SPAG16: variants seen among roughly 807,000 people sequenced by gnomAD.
SPAG16 encodes the protein sperm-associated antigen 16 protein.
In SPAG16, 86 loss-of-function variants were observed where a neutral mutation model predicts 80.4. That is an observed-to-expected ratio of 1.07 (90% CI 0.90 to 1.28). SPAG16 has a LOEUF of 1.28. SPAG16 is among the 50% of genes most tolerant of loss of function. The pLI is 0.00. For missense variants in SPAG16, 870 were observed against 765.3 expected, an observed-to-expected ratio of 1.14 and a Z score of -1.61; for synonymous variants, 294 against 265.9, an observed-to-expected ratio of 1.11 and a Z score of -1.03.
At chr2:213,432,487 T>C (rs889408539) in intron 9 of SPAG16, among the ~76,000 whole-genome samples, 18 of 151,954 alleles carry the variant, frequency 1.2e-4, no homozygotes, top group Admixed American at 8.5e-4. Context: ...TTAGAAAATC[T>C]AGAGTAAATG....
intron 13 of SPAG16, among the ~76,000 whole-genome samples, chr2:214,088,560 G>T (rs2051943116): frequency 6.6e-6 from 1 of 152,008 alleles, no homozygotes; most frequent in South Asian, 2.1e-4. Flanking sequence ...AATATGAAAG[G>T]CCAGGGCACA....
intron 10 of SPAG16, among the ~76,000 whole-genome samples, chr2:213,805,062 G>A (rs1210737318): frequency 1.3e-5 from 2 of 152,300 alleles, no homozygotes; most frequent in Non-Finnish European, 2.9e-5. Flanking sequence ...TACTGTTGAG[G>A]AGTATAAATG....
At chr2:213,483,812 A>G (rs979403021) in intron 9 of SPAG16, among the ~76,000 whole-genome samples, 1 of 152,248 alleles carries the variant, frequency 6.6e-6, no homozygotes, top group African/African-American at 2.4e-5. Context: ...TAGAAGCTAA[A>G]TATTTTCTAA....
At chr2:214,348,250 C>T (rs886100720) in intron 15 of SPAG16, among the ~76,000 whole-genome samples, 1 of 152,118 alleles carries the variant, frequency 6.6e-6, no homozygotes, top group Non-Finnish European at 1.5e-5. Context: ...AGATTGTGAA[C>T]CTTGAGCCAC....
intron 10 of SPAG16, among the ~76,000 whole-genome samples, chr2:213,591,580 A>T (rs191523155): frequency 1.4e-4 from 22 of 152,324 alleles, no homozygotes; most frequent in Non-Finnish European, 3.2e-4. Context: ...AAAGAATGAT[A>T]AGGCAGGCAT....
chr2:214,076,037 C>G (rs1665131217), intron 13 of SPAG16, among the ~76,000 whole-genome samples: 1 of 152,172 alleles, frequency 6.6e-6, no homozygotes. Flanking sequence ...ATGTGAACAT[C>G]TCTTTTATAT....
intron 15 of SPAG16, among the ~76,000 whole-genome samples, chr2:214,242,242 C>G (rs1689547339): frequency 6.6e-6 from 1 of 152,180 alleles, no homozygotes. Context: ...CACAAGACAA[C>G]ATACATGGAG....
chr2:213,510,137 A>G lies in SPAG16; in HGVS notation c.1070+20047A>G, dbSNP rs74833398. Among the ~76,000 whole-genome samples, 14 of 152,270 alleles carry G rather than the reference A, an allele frequency of 9.2e-5. No individual in the cohort carries two copies. The East Asian group carries it at 2.5e-3, about 27-fold the overall frequency. ...TTACTAGGCCCTGGAAAATTTAGAC[A>G]TCCCTCATATAGCACTTTTTGAAAT... On this transcript the variant is annotated intron_variant, in intron 10 of 15. Transcript: ENST00000331683.
chr2:213,739,469 T>A (rs2067440824), intron 10 of SPAG16, among the ~76,000 whole-genome samples: 1 of 152,242 alleles, frequency 6.6e-6, no homozygotes, highest in Non-Finnish European at 1.5e-5. Flanking sequence ...TCCACAAGTT[T>A]ATCATGAATT....
intron 10 of SPAG16, among the ~76,000 whole-genome samples, chr2:213,822,392 T>G (rs949704512): frequency 2.0e-5 from 3 of 152,202 alleles, no homozygotes; most frequent in African/African-American, 7.2e-5. Flanking sequence ...AGATTTTTCC[T>G]ATAGAGTTGT....
intron 10 of SPAG16, among the ~76,000 whole-genome samples, chr2:213,655,458 C>T (rs1391017881): frequency 6.6e-6 from 1 of 152,156 alleles, no homozygotes; most frequent in Non-Finnish European, 1.5e-5. Context: ...ATTCAAAATA[C>T]TCCACTGTTT....
intron 13 of SPAG16, among the ~76,000 whole-genome samples, chr2:214,041,401 TC>T (rs2125092271): frequency 6.6e-6 from 1 of 151,946 alleles, no homozygotes; most frequent in East Asian, 1.9e-4. Flanking sequence ...AAACAAAGAC[TC>T]TTTGCACTTC....
chr2:213,318,873 A>G (rs192825214), intron 5 of SPAG16, among the ~76,000 whole-genome samples: 7 of 152,038 alleles, frequency 4.6e-5, no homozygotes, highest in Admixed American at 1.3e-4. Context: ...TTCTAACTTA[A>G]AAGAAAATTA....
intron 10 of SPAG16, among the ~76,000 whole-genome samples, chr2:213,794,369 A>G (rs1052324538): frequency 2.0e-5 from 3 of 152,050 alleles, no homozygotes; most frequent in African/African-American, 7.2e-5. Flanking sequence ...TTTAAATCCT[A>G]ACAGTGGCCT....
At chr2:213,574,633 G>A (rs1226942809) in intron 10 of SPAG16, among the ~76,000 whole-genome samples, 1 of 144,776 alleles carries the variant, frequency 6.9e-6, no homozygotes, top group Non-Finnish European at 1.5e-5. Context: ...AACTCCTTAC[G>A]ATCACCAGAT....
rs376817873 is a variant in SPAG16, at chr2:213,317,216, T to C, written c.399-3T>C. Reference sequence around the variant, plus strand: ...TAAACCCTTTTGTTTGATTTTATCCTAGGTATGAGTTAATACAGAAAGGAG... The same window carrying C: ...TAAACCCTTTTGTTTGATTTTATCCCAGGTATGAGTTAATACAGAAAGGAG... On this transcript the variant is annotated splice_polypyrimidine_tract_variant and splice_region_variant and intron_variant, in intron 4 of 15. Coordinates refer to ENST00000331683, the MANE Select transcript of SPAG16 (RefSeq NM_024532.5). 6 of 1,553,862 alleles carry C rather than the reference T, an allele frequency of 3.9e-6. No homozygotes were observed. The African/African-American group carries it at 5.5e-5, about 14-fold the overall frequency.
chr2:213,526,368 T>G (rs539180196), intron 10 of SPAG16, among the ~76,000 whole-genome samples: 2 of 152,320 alleles, frequency 1.3e-5, no homozygotes, highest in African/African-American at 4.8e-5. Flanking sequence ...TTATTTTCAT[T>G]ATTTTCTCTT....
chr2:213,884,243 T>G (rs1449640808), intron 11 of SPAG16, among the ~76,000 whole-genome samples: 1 of 152,180 alleles, frequency 6.6e-6, no homozygotes, highest in Non-Finnish European at 1.5e-5. Context: ...TGAGAAAGAT[T>G]TTATTTCTCC....
At chr2:213,851,613 A>G (rs767272076) in intron 10 of SPAG16, among the ~76,000 whole-genome samples, 2 of 152,222 alleles carry the variant, frequency 1.3e-5, no homozygotes, top group African/African-American at 2.4e-5. Flanking sequence ...AAGTCACTAC[A>G]TAAGGCCTTT....
Sources: gnomAD v4.1 joint callset for allele counts (sites outside exome capture counted in the v4.1 genomes callset) on GRCh38, gnomAD v4.1.1 for gene constraint, MANE v1.5 for transcripts, NCBI Gene and HGNC (gene_info 2026-07-23, HGNC 2026-07-21) for gene names.